ZBTB20: variants seen among roughly 807,000 people sequenced by gnomAD.
The protein encoded by ZBTB20 is zinc finger and BTB domain-containing protein 20.
ZBTB20 carries 9 observed loss-of-function variants against 56.9 expected under a neutral mutation model. The observed-to-expected ratio is 0.16, with a 90% CI of 0.10 to 0.28. ZBTB20 has a LOEUF of 0.28. Among genes scored for constraint, ZBTB20 ranks in the 10% least tolerant of loss-of-function variants. The probability of loss-of-function intolerance (pLI) is 1.00; values close to 1 mark genes in which losing one functional copy is unlikely to be tolerated. For missense variants in ZBTB20, 655 were observed against 1,003.0 expected, an observed-to-expected ratio of 0.65 and a Z score of 4.69; for synonymous variants, 417 against 420.7, an observed-to-expected ratio of 0.99 and a Z score of 0.11.
intron 11 of ZBTB20, among the ~76,000 whole-genome samples, chr3:114,342,455 T>C (rs11924907): frequency 0.032 from 4,873 of 152,160 alleles, 126 homozygotes; most frequent in African/African-American, 0.063. Flanking sequence ...AAGGGGAAGG[T>C]CATATAAGTT....
At chr3:114,636,030 A>G (rs2059248722) in intron 6 of ZBTB20, among the ~76,000 whole-genome samples, 1 of 152,172 alleles carries the variant, frequency 6.6e-6, no homozygotes. Context: ...GAGAAACAAG[A>G]GCGAAGCAAC....
rs1299836370 is a variant in ZBTB20 at position 114,325,464 on chromosome 3, C to T, written c.*13541G>A. ...ACACTCCTCTCGGGCCCGGATAGCA[C>T]ATTAGGTATAGAAGTCAGGAGTTTC... On this transcript the variant is annotated 3_prime_UTR_variant, in exon 12 of 12. Transcript: ENST00000675478. The T allele has an allele frequency of 6.6e-6, 1 of 152,158 alleles. No individual in the cohort carries two copies. Among genetic ancestry groups the T allele is most frequent in the East Asian group, 1.9e-4 (1 of 5,202 alleles). 9.4% of individuals were successfully genotyped at this position (152,158 alleles called of 1,614,324 possible).
At chr3:114,435,334 C>A (rs570721375) in intron 7 of ZBTB20, among the ~76,000 whole-genome samples, 1 of 152,288 alleles carries the variant, frequency 6.6e-6, no homozygotes, top group Admixed American at 6.5e-5. Context: ...TTTCTTTATG[C>A]ATGGATTTCT....
chr3:114,384,715 A>G (rs957968111), intron 8 of ZBTB20, among the ~76,000 whole-genome samples: 1 of 152,252 alleles, frequency 6.6e-6, no homozygotes, highest in African/African-American at 2.4e-5. Context: ...GGCCCCAGCA[A>G]GAAGTTTTAG....
intron 4 of ZBTB20, among the ~76,000 whole-genome samples, chr3:114,851,105 C>T (rs2074979368): frequency 6.6e-6 from 1 of 152,280 alleles, no homozygotes; most frequent in Non-Finnish European, 1.5e-5. Flanking sequence ...CCGAGTCAGC[C>T]TGTTTCTCTA....
At chr3:114,714,224 A>G (rs1388228827) in intron 5 of ZBTB20, among the ~76,000 whole-genome samples, 2 of 152,228 alleles carry the variant, frequency 1.3e-5, no homozygotes, top group African/African-American at 4.8e-5. Flanking sequence ...CCATGAAACC[A>G]TGGTGTGTCC....
In ZBTB20 at chr3:114,543,258, A is replaced by AT. The variant is rs536430897; in HGVS notation, c.-294-42868dup. ...TTTGTCTTTTTTTTGGTATATTGTT[A>AT]TTTTTTATTGTTTTTTTTCCAAATA... On this transcript the variant is annotated intron_variant, in intron 6 of 11. Coordinates refer to ENST00000675478, the MANE Select transcript of ZBTB20 (RefSeq NM_001348800.3). Among the ~76,000 whole-genome samples the AT allele has an allele frequency of 5.9e-4, 89 of 151,522 alleles. 1 individual carries two copies. Among genetic ancestry groups the AT allele is most frequent in the African/African-American group, 1.7e-3 (70 of 41,064 alleles).
At chr3:114,786,389 G>A (rs1403549336) in intron 5 of ZBTB20, among the ~76,000 whole-genome samples, 10 of 151,856 alleles carry the variant, frequency 6.6e-5, no homozygotes, top group African/African-American at 9.7e-5. Flanking sequence ...GAGAACATGC[G>A]GTGTTTGGTC....
chr3:115,039,985 T>A (rs1464363645), intron 2 of ZBTB20, among the ~76,000 whole-genome samples: 1 of 152,062 alleles, frequency 6.6e-6, no homozygotes, highest in Non-Finnish European at 1.5e-5. Flanking sequence ...TACACACAAA[T>A]GATAAGTATG....
At chr3:114,988,251 TC>T (rs1249976583) in intron 2 of ZBTB20, among the ~76,000 whole-genome samples, 17 of 49,606 alleles carry the variant, frequency 3.4e-4, no homozygotes, top group African/African-American at 1.3e-3. Context: ...CCCTCCCCCC[TC>T]CCCCAACCCC....
At chr3:114,725,763 T>G (rs953056922) in intron 5 of ZBTB20, among the ~76,000 whole-genome samples, 1 of 152,242 alleles carries the variant, frequency 6.6e-6, no homozygotes, top group African/African-American at 2.4e-5. Flanking sequence ...AATTATGGTC[T>G]CTAATTGCAG....
At chr3:114,706,625 G>T (rs963016523) in intron 5 of ZBTB20, among the ~76,000 whole-genome samples, 1 of 152,072 alleles carries the variant, frequency 6.6e-6, no homozygotes, top group Non-Finnish European at 1.5e-5. Context: ...ACCAGCAGGG[G>T]TTAGTAGAAA....
intron 6 of ZBTB20, among the ~76,000 whole-genome samples, chr3:114,613,144 G>A (rs2057681752): frequency 6.6e-6 from 1 of 152,190 alleles, no homozygotes; most frequent in Non-Finnish European, 1.5e-5. Flanking sequence ...TGAAGGAAAA[G>A]ATGAAGCAGA....
At chr3:114,881,898 T>C (rs2076413344) in intron 4 of ZBTB20, among the ~76,000 whole-genome samples, 1 of 151,862 alleles carries the variant, frequency 6.6e-6, no homozygotes, top group Non-Finnish European at 1.5e-5. Context: ...GACTAAATCA[T>C]AAATGTGCTA....
In ZBTB20 at chr3:114,749,568, AAAGGAAGGAAGGAAGGAAGGAAGGAAGG is replaced by A. The variant is rs71146333; in HGVS notation, c.-343+51505_-343+51532del. 2.0e-4 allele frequency among the ~76,000 whole-genome samples: 27 copies of A among 135,966 alleles called. No homozygotes were observed. In the South Asian group the frequency reaches 4.7e-3, roughly 24 times the overall value. 89.2% of individuals were successfully genotyped at this position (135,966 alleles called of 152,430 possible). On this transcript the variant is annotated intron_variant, in intron 5 of 11. Transcript: ENST00000675478. ...ACTCCATCAAAGAAAGAAAGAAAGAAAAGGAAGGAAGGAAGGAAGGAAGGAAGGAAGGAAGGAAGGAAGGAAGGAAGGA... is the reference window on the plus strand; with the variant it reads ...ACTCCATCAAAGAAAGAAAGAAAGAAAAGGAAGGAAGGAAGGAAGGAAGGA...
chr3:114,591,741 G>A (rs538117973), intron 6 of ZBTB20, among the ~76,000 whole-genome samples: 1 of 152,244 alleles, frequency 6.6e-6, no homozygotes, highest in East Asian at 1.9e-4. Context: ...ACAACGTTTT[G>A]TTTATTCCCA....
At position 114,335,461 on chromosome 3, in the gene ZBTB20, A is replaced by G. The variant is rs1044030333; in HGVS notation, c.*3544T>C. 6.6e-6 allele frequency: 1 copy of G among 152,230 alleles called. No homozygotes were observed. Among genetic ancestry groups the G allele is most frequent in the Admixed American group, 6.5e-5 (1 of 15,290 alleles). 9.4% of individuals were successfully genotyped at this position (152,230 alleles called of 1,614,324 possible). ...TTTGTGATTGTTTAACTTAAAAGTGAGAATTGACAATCTAAAAGCATCTCT... is the reference window on the plus strand; with the variant it reads ...TTTGTGATTGTTTAACTTAAAAGTGGGAATTGACAATCTAAAAGCATCTCT... On this transcript the variant is annotated 3_prime_UTR_variant, in exon 12 of 12. Coordinates refer to ENST00000675478, the MANE Select transcript of ZBTB20 (RefSeq NM_001348800.3).
intron 5 of ZBTB20, among the ~76,000 whole-genome samples, chr3:114,718,812 A>G (rs1433542867): frequency 2.0e-5 from 3 of 151,892 alleles, no homozygotes; most frequent in Non-Finnish European, 4.4e-5. Flanking sequence ...CTCTTAACCA[A>G]GGTTTTTCTT....
intron 5 of ZBTB20, among the ~76,000 whole-genome samples, chr3:114,698,395 A>G (rs2063183890): frequency 1.3e-5 from 2 of 152,088 alleles, no homozygotes; most frequent in Non-Finnish European, 2.9e-5. Flanking sequence ...TCTTATGTCT[A>G]TGGAGAGCCT....
Sources: gnomAD v4.1 joint callset for allele counts (sites outside exome capture counted in the v4.1 genomes callset) on GRCh38, gnomAD v4.1.1 for gene constraint, MANE v1.5 for transcripts, NCBI Gene and HGNC (gene_info 2026-07-23, HGNC 2026-07-21) for gene names.